The following DYNC1I1 variants were observed in gnomAD, a reference collection of about 807,000 sequenced individuals.
DYNC1I1 encodes the protein dynein cytoplasmic 1 intermediate chain 1, also known as cytoplasmic dynein 1 intermediate chain 1.
In DYNC1I1, 43 loss-of-function variants were observed where a neutral mutation model predicts 86.6. The observed-to-expected ratio is 0.50, with a 90% CI of 0.39 to 0.64. The LOEUF (loss-of-function observed/expected upper bound fraction) is 0.64, where lower values mean the gene tolerates loss of function less well. Ranked by LOEUF, DYNC1I1 falls within the 30% of genes least tolerant of loss-of-function variation. DYNC1I1 has a pLI of 0.00. For synonymous variants in DYNC1I1, 262 were observed against 283.7 expected (o/e 0.92, Z 0.77); for missense variants, 604 against 788.8 (o/e 0.77, Z 2.81).
At chr7:96,043,647 C>T (rs1180775377) in intron 14 of DYNC1I1, among the ~76,000 whole-genome samples, 1 of 151,770 alleles carries the variant, frequency 6.6e-6, no homozygotes, top group Non-Finnish European at 1.5e-5. Context: ...AAAAACTTTA[C>T]AAGGCTACCA....
intron 5 of DYNC1I1, among the ~76,000 whole-genome samples, chr7:95,830,580 AGTTTGTT>A (rs1481156802): frequency 6.6e-6 from 1 of 152,180 alleles, no homozygotes; most frequent in Admixed American, 6.5e-5. Flanking sequence ...GATATACCAC[AGTTTGTT>A]TATCCAGTCA....
chr7:95,860,314 T>C lies in DYNC1I1; in HGVS notation c.375-9569T>C, dbSNP rs535789481. 1.5e-4 allele frequency among the ~76,000 whole-genome samples: 23 copies of C among 152,288 alleles called. No individual in the cohort carries two copies. The South Asian group carries it at 3.7e-3, about 25-fold the overall frequency. Reference sequence around the variant, plus strand: ...TTCCTTTGCCATTCATCCAGGAAACTGTATCCCACCCACGTAAAAATAGTG... The same window carrying C: ...TTCCTTTGCCATTCATCCAGGAAACCGTATCCCACCCACGTAAAAATAGTG... On this transcript the variant is annotated intron_variant, in intron 5 of 16. Transcript: ENST00000447467.
At chr7:96,040,716 G>GTTTT (rs61104103) in intron 14 of DYNC1I1, among the ~76,000 whole-genome samples, 2 of 144,806 alleles carry the variant, frequency 1.4e-5, no homozygotes. Flanking sequence ...CAAATGAGTA[G>GTTTT]TTTTTTTTTT....
intron 3 of DYNC1I1, among the ~76,000 whole-genome samples, chr7:95,811,396 TA>T (rs1228896806): frequency 6.6e-6 from 1 of 152,104 alleles, no homozygotes; most frequent in Non-Finnish European, 1.5e-5. Context: ...CTTCTGAAGT[TA>T]ATTCCATAAT....
At chr7:95,991,614 A>T (rs1793731973) in intron 9 of DYNC1I1, among the ~76,000 whole-genome samples, 2 of 152,202 alleles carry the variant, frequency 1.3e-5, no homozygotes, top group South Asian at 4.2e-4. Flanking sequence ...GTCAAGTATC[A>T]ACCCTGCAAT....
intron 16 of DYNC1I1, among the ~76,000 whole-genome samples, chr7:96,080,825 A>G (rs1364195256): frequency 3.9e-5 from 6 of 152,128 alleles, no homozygotes; most frequent in African/African-American, 1.4e-4. Context: ...TAATCCCAAC[A>G]TTTTGGGAGG....
intron 6 of DYNC1I1, among the ~76,000 whole-genome samples, chr7:95,965,167 A>C (rs759798351): frequency 7.2e-5 from 11 of 152,232 alleles, no homozygotes; most frequent in Admixed American, 1.3e-4. Context: ...GGAATAGGCA[A>C]GGAAAAAGAA....
intron 16 of DYNC1I1, 51 bp downstream of exon 16, chr7:96,080,539 T>C: frequency 1.2e-6 from 2 of 1,613,982 alleles, no homozygotes; most frequent in Non-Finnish European, 1.7e-6. Context: ...GTATCTACTT[T>C]AGAAACCTAG....
intron 6 of DYNC1I1, among the ~76,000 whole-genome samples, chr7:95,963,148 A>G (rs964667106): frequency 1.3e-5 from 2 of 152,132 alleles, no homozygotes; most frequent in East Asian, 3.8e-4. Context: ...AGGTCCCACC[A>G]TTCTTCAAAA....
At chr7:95,973,332 C>A (rs1447080885) in intron 6 of DYNC1I1, among the ~76,000 whole-genome samples, 1 of 152,134 alleles carries the variant, frequency 6.6e-6, no homozygotes, top group Non-Finnish European at 1.5e-5. Context: ...ATTTCCTTTG[C>A]AAATCCACCA....
At chr7:96,042,790 T>C (rs1263387944) in intron 14 of DYNC1I1, among the ~76,000 whole-genome samples, 1 of 152,152 alleles carries the variant, frequency 6.6e-6, no homozygotes, top group Non-Finnish European at 1.5e-5. Context: ...AGTCTGTCTT[T>C]TCTATATGAA....
At chr7:95,796,265 G>A (rs188529442) in intron 1 of DYNC1I1, among the ~76,000 whole-genome samples, 90 of 152,230 alleles carry the variant, frequency 5.9e-4, no homozygotes, top group Non-Finnish European at 1.1e-3. Flanking sequence ...AGGCAAGTGA[G>A]AAATCTTTCA....
At chr7:95,875,938 A>C (rs936215442) in intron 6 of DYNC1I1, among the ~76,000 whole-genome samples, 1 of 152,134 alleles carries the variant, frequency 6.6e-6, no homozygotes, top group Non-Finnish European at 1.5e-5. Context: ...AGCCCATGCC[A>C]TGCCTTTATC....
At chr7:95,830,389 C>G (rs1795295117) in intron 5 of DYNC1I1, among the ~76,000 whole-genome samples, 1 of 152,094 alleles carries the variant, frequency 6.6e-6, no homozygotes, top group Non-Finnish European at 1.5e-5. Context: ...TTCCCTATCC[C>G]CCAAACATCT....
intron 10 of DYNC1I1, among the ~76,000 whole-genome samples, chr7:96,015,445 C>T (rs760869233): frequency 2.0e-5 from 3 of 152,068 alleles, no homozygotes; most frequent in Non-Finnish European, 2.9e-5. Context: ...GTACATCCTA[C>T]GTCTTATGAT....
At chr7:96,049,466 G>A (rs572935602) in intron 14 of DYNC1I1, among the ~76,000 whole-genome samples, 2 of 152,076 alleles carry the variant, frequency 1.3e-5, no homozygotes, top group South Asian at 4.2e-4. Context: ...GGTAATTATT[G>A]TAGTCCCTTT....
At chr7:95,910,664 T>C (rs766686965) in intron 6 of DYNC1I1, among the ~76,000 whole-genome samples, 4 of 152,174 alleles carry the variant, frequency 2.6e-5, no homozygotes, top group Admixed American at 1.3e-4. Context: ...ATTAGAAGAA[T>C]AGGAATCAGT....
intron 10 of DYNC1I1, among the ~76,000 whole-genome samples, chr7:96,027,148 A>G (rs1310850415): frequency 1.3e-5 from 2 of 152,188 alleles, no homozygotes; most frequent in Non-Finnish European, 2.9e-5. Context: ...CATGTTTTTT[A>G]GTTCCCTTTC....
chr7:95,907,869 G>A (rs980262231), intron 6 of DYNC1I1, among the ~76,000 whole-genome samples: 4 of 151,306 alleles, frequency 2.6e-5, no homozygotes, highest in African/African-American at 9.7e-5. Flanking sequence ...AAGTAGAAAA[G>A]CATTGTCAAA....
Sources: gnomAD v4.1 joint callset for allele counts (sites outside exome capture counted in the v4.1 genomes callset) on GRCh38, gnomAD v4.1.1 for gene constraint, MANE v1.5 for transcripts, NCBI Gene and HGNC (gene_info 2026-07-23, HGNC 2026-07-21) for gene names.